GPAM: variants seen among roughly 807,000 people sequenced by gnomAD.
The protein encoded by GPAM is glycerol-3-phosphate acyltransferase, mitochondrial, also known as glycerol-3-phosphate acyltransferase 1, mitochondrial.
GPAM carries 56 observed loss-of-function variants against 105.0 expected under a neutral mutation model. The ratio of observed to expected loss-of-function variants is 0.53; its 90% confidence interval spans 0.43 to 0.67. GPAM has a LOEUF of 0.67. Ranked by LOEUF, GPAM falls within the 30% of genes least tolerant of loss-of-function variation. GPAM has a pLI of 0.00. For missense variants in GPAM, 855 were observed against 989.8 expected (o/e 0.86, Z 1.83); for synonymous variants, 368 against 354.4 (o/e 1.04, Z -0.43).
intron 1 of GPAM, among the ~76,000 whole-genome samples, chr10:112,198,124 A>G (rs1172594472): frequency 1.3e-5 from 2 of 152,210 alleles, no homozygotes; most frequent in African/African-American, 2.4e-5. Flanking sequence ...TAGTACTAAA[A>G]GGATTAAGAG....
At chr10:112,191,204 G>T (rs551234089) in intron 1 of GPAM, among the ~76,000 whole-genome samples, 159 of 152,316 alleles carry the variant, frequency 1.0e-3, no homozygotes, top group Non-Finnish European at 1.6e-3. Context: ...GCCTAGAATG[G>T]AAAGTGTCTT....
the GPAM span, among the ~76,000 whole-genome samples, chr10:112,221,629 G>A: frequency 6.6e-6 from 1 of 152,168 alleles, no homozygotes; most frequent in African/African-American, 2.4e-5. Flanking sequence ...GTCTGAAAGT[G>A]ACATACTTCA....
chr10:112,211,820 G>A (rs1847914501), intron 1 of GPAM, among the ~76,000 whole-genome samples: 1 of 152,130 alleles, frequency 6.6e-6, no homozygotes, highest in Non-Finnish European at 1.5e-5. Flanking sequence ...AATAACAAGT[G>A]AAAAAAGCAA....
At chr10:112,194,633 A>C (rs1847702302) in intron 1 of GPAM, among the ~76,000 whole-genome samples, 1 of 152,182 alleles carries the variant, frequency 6.6e-6, no homozygotes, top group Non-Finnish European at 1.5e-5. Context: ...TAACATGGAC[A>C]AACCCAGACT....
rs1847438098 is a variant in GPAM, at chr10:112,178,031, C to T, written c.252G>A (p.Pro84=). ...AAATAACATTCCGCAAACCCAAAGA[C>T]GGGATACTGGGGTTGAAAAATTTGT... ...SWDKFFNPSI[P]SLGLRNVIYI... The change falls in exon 5 of 22, where the codon CCG becomes CCA. Residue 84 remains proline, a synonymous_variant. Coordinates refer to ENST00000348367, the MANE Select transcript of GPAM (RefSeq NM_001244949.2). 5 of 1,599,666 alleles carry T rather than the reference C, an allele frequency of 3.1e-6. No individual in the cohort carries two copies. Among genetic ancestry groups the T allele is most frequent in the Admixed American group, 1.7e-5 (1 of 59,940 alleles).
chr10:112,158,437 C>T (rs200780763), intron 17 of GPAM, 44 bp from the exon 18 acceptor site: 16 of 1,223,772 alleles, frequency 1.3e-5, no homozygotes, highest in Non-Finnish European at 3.6e-6. Flanking sequence ...CCATTTTATA[C>T]TTCTTTTTTT....
chr10:112,155,059 C>T, intron 20 of GPAM: 1 of 295,802 alleles, frequency 3.4e-6, no homozygotes, highest in Non-Finnish European at 6.5e-6. Context: ...CCCAGTGGTA[C>T]ACAGATGATT....
At chr10:112,163,984 T>C (rs1208064395) in intron 13 of GPAM, among the ~76,000 whole-genome samples, 168 bp from the exon 14 acceptor site, 3 of 152,248 alleles carry the variant, frequency 2.0e-5, no homozygotes, top group Non-Finnish European at 4.4e-5. Context: ...TACTACATTA[T>C]GGCCTGGCCA....
upstream of GPAM, among the ~76,000 whole-genome samples, chr10:112,186,471 A>G (rs1386387957): frequency 1.3e-5 from 2 of 152,046 alleles, no homozygotes; most frequent in Admixed American, 6.5e-5. Context: ...AAAGGAATTA[A>G]GAGCTTAAGA....
In GPAM at chr10:112,152,964, G is replaced by A. The variant is rs1375605223; in HGVS notation, c.*586C>T. ...AAACATTTCTAAATCTGACAGCAAA[G>A]GACAGCACAGTGATACCTGGGTGTG... On this transcript the variant is annotated 3_prime_UTR_variant, in exon 22 of 22. Coordinates refer to ENST00000348367, the MANE Select transcript of GPAM (RefSeq NM_001244949.2). 1 of 217,474 alleles carries A rather than the reference G, an allele frequency of 4.6e-6. No homozygotes were observed. Among genetic ancestry groups the A allele is most frequent in the Admixed American group, 6.4e-5 (1 of 15,680 alleles). The allele number at this position is 217,474 out of a possible 1,614,324, so 13.5% of individuals were successfully genotyped here.
rs552461608 is a variant in GPAM at position 112,155,101 on chromosome 10, C to T, written c.2312-414G>A. The T allele has an allele frequency of 3.9e-4, 80 of 203,126 alleles. 1 individual carries two copies. Among genetic ancestry groups the T allele is most frequent in the African/African-American group, 1.7e-3 (71 of 42,766 alleles). The allele number at this position is 203,126 out of a possible 1,614,324, so 12.6% of individuals were successfully genotyped here. A position where few individuals can be genotyped will look rare whatever the true frequency, so the allele number is the denominator to read the frequency against. On this transcript the variant is annotated intron_variant, in intron 20 of 21. Transcript: ENST00000348367. ...CAGTGGAACCAGAGAAAGCACAGGC[C>T]TCGAGGTTAGGAAACAAGAATTCTG...
intron 7 of GPAM, 31 bp from the exon 8 acceptor site, chr10:112,173,097 A>G (rs766139757): frequency 4.2e-6 from 5 of 1,194,538 alleles, no homozygotes; most frequent in Admixed American, 1.7e-5. Context: ...AAAAAACAAC[A>G]TAAATGAACA....
chr10:112,194,662 G>A (rs1029410436), intron 1 of GPAM, among the ~76,000 whole-genome samples: 6 of 152,168 alleles, frequency 3.9e-5, no homozygotes, highest in African/African-American at 1.4e-4. Context: ...GCTTTCTACT[G>A]TTGTATAACC....
At chr10:112,206,571 A>G (rs2133300758) in intron 1 of GPAM, among the ~76,000 whole-genome samples, 1 of 125,686 alleles carries the variant, frequency 8.0e-6, no homozygotes, top group South Asian at 2.9e-4. Context: ...TCGCAAGAAC[A>G]AAAAACCAAA....
At chr10:112,197,944 A>T (rs61872283) in intron 1 of GPAM, among the ~76,000 whole-genome samples, 3,776 of 152,254 alleles carry the variant, frequency 0.025, 82 homozygotes, top group Middle Eastern at 0.044. Flanking sequence ...CCATTTACAC[A>T]TGTCAAAATC....
intron 4 of GPAM, among the ~76,000 whole-genome samples, chr10:112,180,162 C>T (rs928138543): frequency 6.6e-6 from 1 of 152,130 alleles, no homozygotes; most frequent in Non-Finnish European, 1.5e-5. Flanking sequence ...AGTTCAACAC[C>T]TAAAAGTTCA....
Position 112,173,712 on chromosome 10 carries a change from G to A in GPAM, c.547C>T (p.Pro183Ser), listed in dbSNP as rs1239698898. 1.2e-6 allele frequency: 2 copies of A among 1,613,790 alleles called. No individual in the cohort carries two copies. Among genetic ancestry groups the A allele is most frequent in the Non-Finnish European group, 1.7e-6 (2 of 1,179,702 alleles). ...ILQEMVATVS[P>S]AMIRLTGWVL... is the part of the protein sequence containing the mutation. ...GCCTTTTAATACCTGATCATTGCCG[G>A]TGAGACAGTGGCAACCATTTCTTGA... is the stretch of plus-strand genomic sequence containing the variant. The change falls in exon 7 of 22, where the codon CCG becomes TCG. Residue 183 changes from proline to serine, a missense_variant. Transcript: ENST00000348367.
intron 9 of GPAM, among the ~76,000 whole-genome samples, chr10:112,171,942 A>G (rs1847319765): frequency 6.6e-6 from 1 of 152,156 alleles, no homozygotes; most frequent in African/African-American, 2.4e-5. Flanking sequence ...CAATGCCCAT[A>G]AAGTTTAGGT....
In GPAM at chr10:112,151,287, G is replaced by A. The variant is rs189941543; in HGVS notation, c.*2263C>T. On this transcript the variant is annotated 3_prime_UTR_variant, in exon 22 of 22. Transcript: ENST00000348367. ...ATGAGAATGTATCTTTTAGCAAAAC[G>A]GTGCTATCTGGAAGCTTCATTGTGA... 2.0e-4 allele frequency: 195 copies of A among 985,478 alleles called. 2 individuals are homozygous for A. The Middle Eastern group carries it at 2.6e-3, about 13-fold the overall frequency. The allele number at this position is 985,478 out of a possible 1,614,324, so 61.0% of individuals were successfully genotyped here.
Sources: gnomAD v4.1 joint callset for allele counts (sites outside exome capture counted in the v4.1 genomes callset) on GRCh38, gnomAD v4.1.1 for gene constraint, MANE v1.5 for transcripts, NCBI Gene and HGNC (gene_info 2026-07-23, HGNC 2026-07-21) for gene names.